The following ANXA4 variants were observed in gnomAD, a reference collection of about 807,000 sequenced individuals.
ANXA4 encodes the protein annexin A4.
In ANXA4, 39 loss-of-function variants were observed where a neutral mutation model predicts 49.8. The ratio of observed to expected loss-of-function variants is 0.78; its 90% CI spans 0.61 to 1.02. The LOEUF is 1.02. Ranked by LOEUF, ANXA4 falls within the 50% of genes least tolerant of loss-of-function variation. ANXA4 has a pLI of 0.00. For synonymous variants in ANXA4, 134 were observed against 152.5 expected (o/e 0.88, Z 0.89); for missense variants, 360 against 410.1 (o/e 0.88, Z 1.05).
chr2:69,799,159 C>G (rs1437697405), intron 3 of ANXA4, among the ~76,000 whole-genome samples: 3 of 151,978 alleles, frequency 2.0e-5, no homozygotes, highest in Non-Finnish European at 4.4e-5. Context: ...ATCCCATTCC[C>G]TGACCACATA....
At chr2:69,685,385 A>AG (rs1677752151) in intron 2 of ANXA4, among the ~76,000 whole-genome samples, 1 of 152,182 alleles carries the variant, frequency 6.6e-6, no homozygotes, top group African/African-American at 2.4e-5. Flanking sequence ...TGGACAAGAC[A>AG]GAGAGATATA....
chr2:69,717,086 G>A (rs1161618322), intron 2 of ANXA4, among the ~76,000 whole-genome samples: 1 of 152,210 alleles, frequency 6.6e-6, no homozygotes, highest in African/African-American at 2.4e-5. Context: ...AGAGGGGCTG[G>A]GGTGGGGGCT....
chr2:69,794,428 G>T (rs549467783), intron 3 of ANXA4, among the ~76,000 whole-genome samples: 1 of 152,138 alleles, frequency 6.6e-6, no homozygotes, highest in Non-Finnish European at 1.5e-5. Context: ...AAACTTCCAG[G>T]GCCATTTCCT....
intron 1 of ANXA4, among the ~76,000 whole-genome samples, chr2:69,771,109 G>GAAAAAAAAAAAAAAAAAAAAAAAAAAAAA (rs70954358): frequency 9.5e-6 from 1 of 104,750 alleles, no homozygotes; most frequent in Non-Finnish European, 2.0e-5. Flanking sequence ...AAAAAAAAAA[G>GAAAAAAAAAAAAAAAAAAAAAAAAAAAAA]AAAAAAAAAA....
At chr2:69,742,420 A>G (rs956682739) in intron 1 of ANXA4, among the ~76,000 whole-genome samples, 1 of 152,206 alleles carries the variant, frequency 6.6e-6, no homozygotes, top group African/African-American at 2.4e-5. Context: ...CAGGACATCC[A>G]GGGCCGCTTA....
intron 2 of ANXA4, among the ~76,000 whole-genome samples, chr2:69,679,944 C>T (rs1335686315): frequency 6.6e-6 from 1 of 152,096 alleles, no homozygotes; most frequent in Non-Finnish European, 1.5e-5. Context: ...AGTGTGATGC[C>T]TCTTGCTTTG....
rs144621377 is a variant in ANXA4, at chr2:69,726,243, C to T, written n.864+5372C>T. On this transcript the variant is annotated intron_variant and non_coding_transcript_variant, in intron 3 of 3. Transcript: ENST00000418066. ...CCCCCCTCACTCTCTCCTGCCAACA[C>T]GTAAGACGCCTTGCTTCCATTTTAC... Among the ~76,000 whole-genome samples the T allele has an allele frequency of 1.7e-3, 265 of 152,294 alleles. 1 individual carries two copies. The highest frequency in any genetic ancestry group is 6.2e-3 in the African/African-American group (256 of 41,560).
chr2:69,763,531 G>A (rs1476285705), intron 1 of ANXA4, among the ~76,000 whole-genome samples: 1 of 152,050 alleles, frequency 6.6e-6, no homozygotes, highest in Non-Finnish European at 1.5e-5. Context: ...AAGGAAAATG[G>A]TCTAGCTTTA....
At chr2:69,657,059 A>G (rs1266133734) in intron 2 of ANXA4, among the ~76,000 whole-genome samples, 2 of 150,878 alleles carry the variant, frequency 1.3e-5, no homozygotes, top group South Asian at 2.1e-4. Context: ...CAGTGGCGCA[A>G]TCTCAGCACA....
intron 2 of ANXA4, among the ~76,000 whole-genome samples, chr2:69,664,589 A>G (rs1271114325): frequency 2.0e-5 from 3 of 152,214 alleles, no homozygotes; most frequent in East Asian, 1.9e-4. Context: ...GTCAGTAAGT[A>G]TTACTATTGA....
intron 1 of ANXA4, among the ~76,000 whole-genome samples, chr2:69,748,432 A>T (rs1292582146): frequency 6.6e-6 from 1 of 151,420 alleles, no homozygotes; most frequent in Non-Finnish European, 1.5e-5. Flanking sequence ...CGGAAAATAC[A>T]TATATTATGG....
intron 3 of ANXA4, among the ~76,000 whole-genome samples, chr2:69,801,844 A>G (rs12988897): frequency 0.2 from 30,311 of 152,106 alleles, 3,350 homozygotes; most frequent in East Asian, 0.31. Flanking sequence ...CTGAGAAAGC[A>G]CCCATAAGAA....
At chr2:69,653,008 C>A (rs1323369606) in exon 2 of ANXA4, 1 of 152,244 alleles carries the variant, frequency 6.6e-6, no homozygotes, top group East Asian at 1.9e-4. Flanking sequence ...TTCACAGCCT[C>A]TTAGTTGGAT....
At chr2:69,739,260 A>G (rs1341246833), upstream of ANXA4, among the ~76,000 whole-genome samples, 2 of 150,246 alleles carry the variant, frequency 1.3e-5, no homozygotes, top group African/African-American at 4.9e-5. Context: ...GGTTTTCCCT[A>G]CTCCTGGTTT....
intron 3 of ANXA4, among the ~76,000 whole-genome samples, chr2:69,729,103 A>C (rs1670034470): frequency 6.6e-6 from 1 of 151,924 alleles, no homozygotes; most frequent in African/African-American, 2.4e-5. Flanking sequence ...AACCTCCACC[A>C]CCCGGGTTCA....
intron 3 of ANXA4, among the ~76,000 whole-genome samples, chr2:69,725,166 A>T (rs1308078594): frequency 1.9e-4 from 29 of 152,138 alleles, no homozygotes; most frequent in Non-Finnish European, 1.5e-5. Context: ...TGATAACATA[A>T]TGGATGTCAG....
At chr2:69,651,623 C>T (rs1013837727) in intron 1 of ANXA4, among the ~76,000 whole-genome samples, 2 of 151,794 alleles carry the variant, frequency 1.3e-5, no homozygotes, top group African/African-American at 2.4e-5. Context: ...CTGCCTCGGC[C>T]TCCGGAGTAG....
chr2:69,661,828 G>C (rs1255926695), intron 2 of ANXA4, among the ~76,000 whole-genome samples: 3 of 152,138 alleles, frequency 2.0e-5, no homozygotes, highest in East Asian at 1.9e-4. Context: ...TTGTAAGTCT[G>C]TACAAGAAGC....
chr2:69,767,307 C>T (rs943180085), intron 1 of ANXA4, among the ~76,000 whole-genome samples: 3 of 152,154 alleles, frequency 2.0e-5, no homozygotes, highest in African/African-American at 7.2e-5. Context: ...CAGATGGGGT[C>T]ATTATATCTA....
Sources: allele counts gnomAD v4.1 joint callset (sites outside exome capture counted in the v4.1 genomes callset), GRCh38; gene constraint gnomAD v4.1.1; transcripts MANE v1.5; gene names NCBI Gene and HGNC (gene_info 2026-07-23, HGNC 2026-07-21).